Variants in NUP205 observed in about 807,000 individuals in gnomAD.
The protein encoded by NUP205 is nuclear pore complex protein Nup205.
Under a neutral mutation model 253.8 loss-of-function variants are expected in NUP205, and 76 were observed. The ratio of observed to expected loss-of-function variants is 0.30; its 90% confidence interval spans 0.25 to 0.36. NUP205 has a LOEUF of 0.36. Ranked by LOEUF, NUP205 falls within the 10% of genes least tolerant of loss-of-function variation. The pLI is 1.00. For synonymous variants in NUP205, 832 were observed against 850.1 expected (o/e 0.98, Z 0.37); for missense variants, 2,162 against 2,425.5 (o/e 0.89, Z 2.28).
At chr7:135,562,357 C>A (rs572044282) in intron 1 of NUP205, among the ~76,000 whole-genome samples, 1 of 151,754 alleles carries the variant, frequency 6.6e-6, no homozygotes, top group African/African-American at 2.4e-5. Context: ...ACCACCACAC[C>A]TGGCTAATTT....
At chr7:135,622,030 CT>C (rs1456820705) in intron 30 of NUP205, among the ~76,000 whole-genome samples, 1 of 151,654 alleles carries the variant, frequency 6.6e-6, no homozygotes, top group Non-Finnish European at 1.5e-5. Context: ...TTTTGAACTC[CT>C]GTCCTCAAGT....
rs1241273065 is a variant in NUP205, at chr7:135,578,828, C to T, written c.955C>T (p.Leu319Phe). ...TIHSRLQDSQ[L>F]WKLPGLQATV... ...TCACTCTCGTCTTCAGGACTCACAGCTTTGGAAACTGCCTGGGCTCCAAGC... is the reference window on the plus strand; with the variant it reads ...TCACTCTCGTCTTCAGGACTCACAGTTTTGGAAACTGCCTGGGCTCCAAGC... Residue 319 changes from leucine (L) to phenylalanine (F), a missense_variant, in exon 7 of 43, where the codon CTT becomes TTT. Leu to Phe is a conservative substitution (Grantham distance 22, BLOSUM62 0). Transcript: ENST00000285968. The T allele has an allele frequency of 2.5e-6, 4 of 1,612,282 alleles. No individual in the cohort carries two copies. Among genetic ancestry groups the T allele is most frequent in the East Asian group, 4.5e-5 (2 of 44,762 alleles).
At chr7:135,623,541 G>C (rs756212814) in intron 31 of NUP205, among the ~76,000 whole-genome samples, 19 of 152,176 alleles carry the variant, frequency 1.2e-4, no homozygotes, top group South Asian at 4.1e-4. Context: ...AGAGAATGCT[G>C]AATAAATTGC....
chr7:135,591,731 G>T, intron 11 of NUP205, 131 bp downstream of exon 11: 1 of 745,964 alleles, frequency 1.3e-6, no homozygotes, highest in South Asian at 2.0e-5. Context: ...ATAACAATAG[G>T]GTGAAGGAAG....
In NUP205 at chr7:135,626,326, A is replaced by C. The variant is rs140215067; in HGVS notation, c.4758A>C (p.Gln1586His). ...TGATTGTGAGACTAGCTCAATGCCA[A>C]GTCTATGACATGCGCCCAGAAACGG... ...SGVIVRLAQC[Q>H]VYDMRPETDP... is the part of the protein sequence containing the mutation. Residue 1586 changes from glutamine to histidine, a missense_variant, in exon 33 of 43, where the codon CAA (glutamine) becomes CAC (histidine). Transcript: ENST00000285968. The C allele has an allele frequency of 1.5e-4, 237 of 1,614,054 alleles. No homozygotes were observed. Among genetic ancestry groups the C allele is most frequent in the Non-Finnish European group, 1.8e-4 (217 of 1,180,022 alleles).
At chr7:135,606,031 A>C (rs1483769116) in intron 19 of NUP205, 114 bp from the exon 20 acceptor site, 7 of 696,826 alleles carry the variant, frequency 1.0e-5, no homozygotes, top group Non-Finnish European at 1.8e-5. Flanking sequence ...TAAATACCTA[A>C]GCAGGTTTGC....
chr7:135,641,163 G>A (rs930592364), intron 38 of NUP205, among the ~76,000 whole-genome samples: 1 of 152,174 alleles, frequency 6.6e-6, no homozygotes, highest in South Asian at 2.1e-4. Context: ...CTCTGAATGC[G>A]CAAATATTTT....
chr7:135,598,535 T>TTAA (rs932867023), intron 15 of NUP205, among the ~76,000 whole-genome samples: 7 of 152,310 alleles, frequency 4.6e-5, no homozygotes, highest in African/African-American at 1.4e-4. Flanking sequence ...TGGAATGGTT[T>TTAA]AGGTTAGGGA....
Position 135,604,473 on chromosome 7 carries a change from G to T in NUP205, c.2823+13G>T, listed in dbSNP as rs1192942266. On this transcript the variant is annotated intron_variant, in intron 19 of 42. Coordinates refer to ENST00000285968, the MANE Select transcript of NUP205 (RefSeq NM_015135.3). Reference sequence around the variant, plus strand: ...CACACATGACCAGGTAACTGATTTTGTTGCTCTTGTTATTTTTTGGTGCAT... The same window carrying T: ...CACACATGACCAGGTAACTGATTTTTTTGCTCTTGTTATTTTTTGGTGCAT... 1.3e-6 allele frequency: 2 copies of T among 1,594,760 alleles called. No individual in the cohort carries two copies. Among genetic ancestry groups the T allele is most frequent in the African/African-American group, 1.4e-5 (1 of 73,620 alleles).
At chr7:135,608,344 C>T (rs1029510898) in intron 22 of NUP205, among the ~76,000 whole-genome samples, 1 of 152,058 alleles carries the variant, frequency 6.6e-6, no homozygotes, top group Non-Finnish European at 1.5e-5. Flanking sequence ...TTTTAATAAC[C>T]AAATAAATTA....
At chr7:135,569,222 C>T (rs1805875100) in intron 1 of NUP205, among the ~76,000 whole-genome samples, 2 of 152,152 alleles carry the variant, frequency 1.3e-5, no homozygotes, top group Admixed American at 6.5e-5. Context: ...AGGCGCGTGC[C>T]ACCACGCTTG....
intron 40 of NUP205, 150 bp from the exon 41 acceptor site, chr7:135,645,318 A>G: frequency 2.3e-6 from 2 of 865,510 alleles, no homozygotes; most frequent in Non-Finnish European, 3.6e-6. Context: ...CTTCCTCTTG[A>G]GGAGCCTTCA....
intron 1 of NUP205, among the ~76,000 whole-genome samples, chr7:135,570,828 A>ATTATATT (rs1491494039): frequency 1.4e-5 from 1 of 69,582 alleles, no homozygotes; most frequent in Non-Finnish European, 2.9e-5. Context: ...ATTAATATAT[A>ATTATATT]AATTATATAT....
intron 19 of NUP205, among the ~76,000 whole-genome samples, chr7:135,604,769 G>C (rs1794050438): frequency 6.6e-6 from 1 of 152,166 alleles, no homozygotes; most frequent in Non-Finnish European, 1.5e-5. Context: ...TTTGTTTACT[G>C]CTCCCGACCT....
Position 135,564,510 on chromosome 7 carries a change from AAGTGCTGGATTACAGGCATG to A in NUP205, c.28+6542_28+6561del, listed in dbSNP as rs535562842. Among the ~76,000 whole-genome samples the A allele has an allele frequency of 1.1e-4, 17 of 150,610 alleles. No homozygotes were observed. In the South Asian group the frequency reaches 2.1e-3, roughly 19 times the overall value. ...GTGATCTGCCCACCTCGGCCTCCCA[AAGTGCTGGATTACAGGCATG>A]AGTCACCACGCCCGGCCTGTTTTTT... On this transcript the variant is annotated intron_variant, in intron 1 of 42. Coordinates refer to ENST00000285968, the MANE Select transcript of NUP205 (RefSeq NM_015135.3).
At position 135,602,984 on chromosome 7, in the gene NUP205, A is replaced by G; in HGVS notation, c.2692A>G (p.Asn898Asp). ...PRTKKADNVV[N>D]IARYLYHGNT... ...AACTAAGAAGGCAGATAATGTGGTA[A>G]ACATTGCCAGGTAAGTTACCTTTGT... The change falls in exon 18 of 43, where the codon AAC becomes GAC. Residue 898 changes from asparagine to aspartate, a missense_variant. Physicochemically the swap from Asn to Asp is conservative, Grantham distance 23. This residue lies in a region of NUP205 where 892 missense variants were observed against 957.1 expected (regional missense o/e 0.93). Coordinates refer to ENST00000285968, the MANE Select transcript of NUP205 (RefSeq NM_015135.3). 1 of 1,607,850 alleles carries G rather than the reference A, an allele frequency of 6.2e-7. No homozygotes were observed. The highest frequency in any genetic ancestry group is 8.5e-7 in the Non-Finnish European group (1 of 1,175,768).
At chr7:135,607,982 A>G (rs1241798108) in intron 22 of NUP205, among the ~76,000 whole-genome samples, 6 of 145,908 alleles carry the variant, frequency 4.1e-5, no homozygotes, top group Non-Finnish European at 8.9e-5. Flanking sequence ...TTGTAGTTTT[A>G]GTAGAGATGG....
chr7:135,558,641 C>T (rs1444650336), intron 1 of NUP205, among the ~76,000 whole-genome samples: 1 of 152,166 alleles, frequency 6.6e-6, no homozygotes, highest in Non-Finnish European at 1.5e-5. Flanking sequence ...TCGGGCCGTA[C>T]CGCCCTCCAG....
At chr7:135,640,688 C>G (rs1365774165) in intron 38 of NUP205, among the ~76,000 whole-genome samples, 1 of 152,040 alleles carries the variant, frequency 6.6e-6, no homozygotes, top group Non-Finnish European at 1.5e-5. Context: ...AAACTAAGTC[C>G]TTAATAGCTA....
Sources: allele counts gnomAD v4.1 joint callset (sites outside exome capture counted in the v4.1 genomes callset), GRCh38; gene constraint gnomAD v4.1.1; regional missense constraint gnomAD v4.1.1; transcripts MANE v1.5; gene names NCBI Gene and HGNC (gene_info 2026-07-23, HGNC 2026-07-21).